ARID1B: variants seen among roughly 807,000 people sequenced by gnomAD.
ARID1B encodes AT-rich interactive domain-containing protein 1B.
In ARID1B, 30 loss-of-function variants were observed where a neutral mutation model predicts 212.3. The ratio of observed to expected loss-of-function variants is 0.14; its 90% CI spans 0.11 to 0.19. The LOEUF is 0.19. Among genes scored for constraint, ARID1B ranks in the 10% least tolerant of loss-of-function variants. The pLI is 1.00. For synonymous variants in ARID1B, 1,402 were observed against 1,301.7 expected (o/e 1.08, Z -1.66); for missense variants, 2,891 against 3,204.0 (o/e 0.90, Z 2.36).
At chr6:156,869,462 T>C (rs1344888853) in intron 2 of ARID1B, among the ~76,000 whole-genome samples, 1 of 152,240 alleles carries the variant, frequency 6.6e-6, no homozygotes, top group Non-Finnish European at 1.5e-5. Context: ...ATCTGCCTCA[T>C]AAATATTAGC....
intron 5 of ARID1B, among the ~76,000 whole-genome samples, chr6:157,089,195 T>TG (rs1286462440): frequency 6.6e-6 from 1 of 152,098 alleles, no homozygotes; most frequent in Admixed American, 6.5e-5. Context: ...TAGGATTTGT[T>TG]GAAAAAAAAC....
intron 4 of ARID1B, among the ~76,000 whole-genome samples, chr6:157,064,640 A>C (rs765637191): frequency 3.6e-4 from 55 of 152,046 alleles, no homozygotes; most frequent in Non-Finnish European, 7.4e-4. Context: ...TTCCAAATGC[A>C]CCTTTAGCTG....
chr6:156,909,004 TTCC>T (rs1201681707), intron 3 of ARID1B, among the ~76,000 whole-genome samples: 1 of 151,792 alleles, frequency 6.6e-6, no homozygotes, highest in Non-Finnish European at 1.5e-5. Flanking sequence ...GTCTCATCTT[TTCC>T]TCCTCTTCCG....
intron 11 of ARID1B, among the ~76,000 whole-genome samples, chr6:157,177,956 C>A (rs1398002943): frequency 6.6e-6 from 1 of 152,152 alleles, no homozygotes; most frequent in Non-Finnish European, 1.5e-5. Flanking sequence ...ATGTTTGGAG[C>A]CTGGTCAGTG....
intron 8 of ARID1B, among the ~76,000 whole-genome samples, chr6:157,152,677 G>T (rs1790291173): frequency 6.6e-6 from 1 of 152,142 alleles, no homozygotes; most frequent in African/African-American, 2.4e-5. Flanking sequence ...AGTGCTCTGG[G>T]TTGAGAAATC....
At chr6:156,996,499 C>T (rs148191090) in intron 4 of ARID1B, among the ~76,000 whole-genome samples, 302 of 152,290 alleles carry the variant, frequency 2.0e-3, no homozygotes, top group Admixed American at 3.7e-3. Context: ...CTCTGGGCCT[C>T]CATTTGTTTC....
chr6:157,180,390 A>AC (rs1792424824), intron 11 of ARID1B, among the ~76,000 whole-genome samples: 1 of 151,738 alleles, frequency 6.6e-6, no homozygotes, highest in African/African-American at 2.4e-5. Context: ...ACAAAAAAAA[A>AC]CAAAAAACAC....
intron 2 of ARID1B, among the ~76,000 whole-genome samples, chr6:156,868,144 A>G (rs1785845932): frequency 1.3e-5 from 2 of 152,124 alleles, no homozygotes; most frequent in South Asian, 2.1e-4. Flanking sequence ...ATTATTTTGG[A>G]TCAGTTTTCC....
chr6:157,062,241 C>T (rs907192003), intron 4 of ARID1B, among the ~76,000 whole-genome samples: 1 of 151,782 alleles, frequency 6.6e-6, no homozygotes, highest in African/African-American at 2.4e-5. Context: ...CCTCTGTCAC[C>T]CAGGCTGGAG....
At chr6:157,139,868 G>A (rs1404688597) in intron 7 of ARID1B, among the ~76,000 whole-genome samples, 19 of 151,320 alleles carry the variant, frequency 1.3e-4, no homozygotes, top group Admixed American at 1.3e-3. Context: ...GATTACAGGC[G>A]CCCACCACCA....
chr6:157,163,101 A>G (rs1458230610), intron 8 of ARID1B, among the ~76,000 whole-genome samples: 1 of 152,136 alleles, frequency 6.6e-6, no homozygotes, highest in Non-Finnish European at 1.5e-5. Flanking sequence ...TTGCTTTTCA[A>G]AAAAGCAACT....
At chr6:157,158,021 CT>C (rs1339264846) in intron 8 of ARID1B, among the ~76,000 whole-genome samples, 1 of 152,178 alleles carries the variant, frequency 6.6e-6, no homozygotes, top group Non-Finnish European at 1.5e-5. Context: ...AAGACCCTGT[CT>C]CTTAAAAAAT....
chr6:157,099,683 G>A (rs575664409), intron 5 of ARID1B, among the ~76,000 whole-genome samples: 24 of 152,228 alleles, frequency 1.6e-4, no homozygotes, highest in African/African-American at 5.3e-4. Context: ...TTGGCTGATC[G>A]TCCTTTATAG....
chr6:157,108,902 G>A (rs550827707), intron 5 of ARID1B, among the ~76,000 whole-genome samples: 1 of 152,254 alleles, frequency 6.6e-6, no homozygotes, highest in South Asian at 2.1e-4. Flanking sequence ...CACTTAATCT[G>A]AAAATGAGAG....
At chr6:157,204,114 C>G (rs1416741120) in intron 19 of ARID1B, 118 bp downstream of exon 19, 2 of 1,312,722 alleles carry the variant, frequency 1.5e-6, no homozygotes, top group African/African-American at 2.9e-5. Flanking sequence ...CACTGTTAAT[C>G]ACTGCAGTTG....
chr6:156,935,266 G>A lies in ARID1B; in HGVS notation c.2137-200G>A, dbSNP rs568652145. 3.2e-3 allele frequency among the ~76,000 whole-genome samples: 492 copies of A among 151,966 alleles called. 4 individuals carry two copies. The highest frequency in any genetic ancestry group is 0.011 in the African/African-American group (436 of 41,420). On this transcript the variant is annotated intron_variant, in intron 3 of 19. Coordinates refer to ENST00000636930, the MANE Select transcript of ARID1B (RefSeq NM_001374828.1). ...GCTAATTTTTTATTATTTTTGTAGA[G>A]ATGGAGTCTCCCTACATTGCCCAGG...
chr6:156,928,501 C>A (rs550077708), intron 3 of ARID1B, among the ~76,000 whole-genome samples: 1 of 152,158 alleles, frequency 6.6e-6, no homozygotes, highest in Non-Finnish European at 1.5e-5. Context: ...TTTCTTGACC[C>A]GATGAGTGCA....
intron 2 of ARID1B, 48 bp from the exon 3 acceptor site, chr6:156,901,328 A>G (rs371493671): frequency 6.2e-7 from 1 of 1,609,612 alleles, no homozygotes; most frequent in African/African-American, 1.3e-5. Flanking sequence ...GATTTCATTT[A>G]ATTGCACATT....
chr6:157,077,312 A>G (rs1312523805), intron 4 of ARID1B, among the ~76,000 whole-genome samples: 2 of 152,122 alleles, frequency 1.3e-5, no homozygotes, highest in African/African-American at 4.8e-5. Flanking sequence ...ACCTATTGCA[A>G]ATTTTTCCTC....
Sources: allele counts gnomAD v4.1 joint callset (sites outside exome capture counted in the v4.1 genomes callset), GRCh38; gene constraint gnomAD v4.1.1; transcripts MANE v1.5; gene names NCBI Gene and HGNC (gene_info 2026-07-23, HGNC 2026-07-21).